The following SUMF1 variants were observed in gnomAD, a reference collection of about 807,000 sequenced individuals.
SUMF1 encodes sulfatase modifying factor 1.
Under a neutral mutation model 47.6 loss-of-function variants are expected in SUMF1, and 48 were observed. The observed-to-expected ratio is 1.01, with a 90% CI of 0.80 to 1.28. SUMF1 has a LOEUF of 1.28. SUMF1 is among the 50% of genes most tolerant of loss of function. The pLI, the probability that SUMF1 is intolerant of heterozygous loss-of-function variation, is 0.00. For missense variants in SUMF1, 571 were observed against 485.4 expected (o/e 1.18, Z -1.66); for synonymous variants, 230 against 192.1 (o/e 1.20, Z -1.63).
chr3:4,145,191 T>TAAAA (rs35699553), intron 8 of SUMF1, among the ~76,000 whole-genome samples: 31 of 90,472 alleles, frequency 3.4e-4, no homozygotes, highest in African/African-American at 1.0e-3. Context: ...AAACTCCGTC[T>TAAAA]AAAAAAAAAA....
intron 8 of SUMF1, among the ~76,000 whole-genome samples, chr3:4,138,838 T>C (rs1694006884): frequency 6.6e-6 from 1 of 152,066 alleles, no homozygotes; most frequent in Non-Finnish European, 1.5e-5. Flanking sequence ...AATTACTAAA[T>C]CTGAGGATGG....
Position 4,223,605 on chromosome 3 carries a change from C to T in SUMF1, c.1014+152725G>A, listed in dbSNP as rs527555788. 5.3e-5 allele frequency among the ~76,000 whole-genome samples: 8 copies of T among 152,210 alleles called. No individual in the cohort carries two copies. The South Asian group carries it at 1.7e-3, about 32-fold the overall frequency. Reference sequence around the variant, plus strand: ...TGCTTTACTCAGGTTGCTCTTGTTCCCTAGAATGGCCTCCTCTCTTCTTCC... The same window carrying T: ...TGCTTTACTCAGGTTGCTCTTGTTCTCTAGAATGGCCTCCTCTCTTCTTCC... On this transcript the variant is annotated intron_variant and NMD_transcript_variant, in intron 8 of 12. Transcript: ENST00000448413.
intron 8 of SUMF1, among the ~76,000 whole-genome samples, chr3:4,079,704 G>T: frequency 7.0e-6 from 1 of 143,680 alleles, no homozygotes; most frequent in East Asian, 2.0e-4. Flanking sequence ...TATGCCCTAA[G>T]TACTCAACAT....
intron 8 of SUMF1, among the ~76,000 whole-genome samples, chr3:4,188,378 A>G (rs1281342754): frequency 6.6e-6 from 1 of 152,086 alleles, no homozygotes; most frequent in East Asian, 1.9e-4. Context: ...GTCTAATATA[A>G]TGGCATGTAT....
At chr3:4,383,508 G>T (rs553113853) in intron 7 of SUMF1, among the ~76,000 whole-genome samples, 1 of 152,290 alleles carries the variant, frequency 6.6e-6, no homozygotes, top group East Asian at 1.9e-4. Flanking sequence ...GTGGTGGCAC[G>T]GGGCAATTCT....
chr3:4,357,597 ATTTAT>A (rs2125166451), downstream of SUMF1, among the ~76,000 whole-genome samples: 1 of 149,506 alleles, frequency 6.7e-6, no homozygotes, highest in South Asian at 2.1e-4. Context: ...TTATTTATTT[ATTTAT>A]TTATTTATTT....
chr3:4,282,319 C>T (rs1015824060), intron 8 of SUMF1, among the ~76,000 whole-genome samples: 1 of 152,072 alleles, frequency 6.6e-6, no homozygotes, highest in Admixed American at 6.5e-5. Context: ...TACCTGGTTG[C>T]TAATAAAATA....
At chr3:4,365,784 G>A (rs1276079714) in intron 8 of SUMF1, among the ~76,000 whole-genome samples, 1 of 150,576 alleles carries the variant, frequency 6.6e-6, no homozygotes, top group African/African-American at 2.4e-5. Flanking sequence ...GATTTTGCTC[G>A]TTAGTTGATG....
intron 8 of SUMF1, among the ~76,000 whole-genome samples, chr3:4,328,380 A>G (rs930631221): frequency 6.6e-6 from 1 of 152,216 alleles, no homozygotes; most frequent in African/African-American, 2.4e-5. Context: ...TAATAAAGAC[A>G]TGCCTGAGAC....
intron 8 of SUMF1, among the ~76,000 whole-genome samples, chr3:4,266,634 TG>T (rs1697200660): frequency 6.6e-6 from 1 of 151,794 alleles, no homozygotes; most frequent in African/African-American, 2.4e-5. Flanking sequence ...GCTGAGACAA[TG>T]GGGTTTTCTA....
At position 4,213,511 on chromosome 3, in the gene SUMF1, G is replaced by T. The variant is rs370255377; in HGVS notation, c.1015-144766C>A. 1.3e-4 allele frequency among the ~76,000 whole-genome samples: 20 copies of T among 152,164 alleles called. No individual in the cohort carries two copies. In the South Asian group the frequency reaches 4.2e-3, roughly 32 times the overall value. On this transcript the variant is annotated intron_variant and NMD_transcript_variant, in intron 8 of 12. Transcript: ENST00000448413. Reference sequence around the variant, plus strand: ...ATGAAGAAACTGCATCAACTAACAGGCAAAACAACCAGCTAGCATCATAAT... The same window carrying T: ...ATGAAGAAACTGCATCAACTAACAGTCAAAACAACCAGCTAGCATCATAAT...
intron 8 of SUMF1, among the ~76,000 whole-genome samples, chr3:4,211,928 A>C (rs1179842261): frequency 1.3e-5 from 2 of 152,220 alleles, no homozygotes; most frequent in African/African-American, 4.8e-5. Flanking sequence ...CAGCAACCCC[A>C]GTCAGGGACT....
intron 8 of SUMF1, among the ~76,000 whole-genome samples, chr3:4,145,923 CCT>C (rs1694183213): frequency 6.6e-6 from 1 of 152,100 alleles, no homozygotes; most frequent in Non-Finnish European, 1.5e-5. Context: ...ATTCCAATTC[CCT>C]GAGTTCAATT....
intron 8 of SUMF1, among the ~76,000 whole-genome samples, chr3:4,135,237 A>T (rs1693897035): frequency 6.6e-6 from 1 of 152,178 alleles, no homozygotes; most frequent in Non-Finnish European, 1.5e-5. Flanking sequence ...AAATACTGGC[A>T]AAGTGAATCC....
Position 4,408,697 on chromosome 3 carries a change from G to A in SUMF1, c.954+2168C>T, listed in dbSNP as rs148671987. On this transcript the variant is annotated intron_variant, in intron 7 of 8. Transcript: ENST00000272902. ...AAAAATAAAAGTAACAAGACCTGGCGTGGTGGCTCACACCTGTAATCCCAG... is the reference window on the plus strand; with the variant it reads ...AAAAATAAAAGTAACAAGACCTGGCATGGTGGCTCACACCTGTAATCCCAG... 5.6e-4 allele frequency among the ~76,000 whole-genome samples: 86 copies of A among 152,284 alleles called. 1 individual carries two copies. Among genetic ancestry groups the A allele is most frequent in the African/African-American group, 1.4e-3 (59 of 41,560 alleles).
intron 7 of SUMF1, among the ~76,000 whole-genome samples, chr3:4,394,685 T>A (rs1700985094): frequency 6.6e-6 from 1 of 152,016 alleles, no homozygotes; most frequent in Admixed American, 6.6e-5. Flanking sequence ...GACAGAAGAG[T>A]AGCAATAGCC....
At chr3:4,375,820 TAAAATC>T (rs1700309317) in intron 8 of SUMF1, among the ~76,000 whole-genome samples, 1 of 152,164 alleles carries the variant, frequency 6.6e-6, no homozygotes, top group Non-Finnish European at 1.5e-5. Flanking sequence ...GCTCAGACAC[TAAAATC>T]ATAGCCCAAA....
chr3:4,396,841 A>T lies in SUMF1; in HGVS notation c.954+14024T>A, dbSNP rs9853423. Among the ~76,000 whole-genome samples, 1,476 of 152,354 alleles carry T rather than the reference A, an allele frequency of 9.7e-3. 17 individuals are homozygous for T. Among genetic ancestry groups the T allele is most frequent in the African/African-American group, 0.032 (1,316 of 41,572 alleles). On this transcript the variant is annotated intron_variant, in intron 7 of 8. Transcript: ENST00000272902. The stretch of plus-strand genomic sequence containing the variant: ...GAGAATGATTAATTCTCTGACCTAT[A>T]TAACAGTAGATACATATGCTCTGTT...
chr3:4,401,578 T>C (rs1189899426), intron 7 of SUMF1, among the ~76,000 whole-genome samples: 5 of 152,112 alleles, frequency 3.3e-5, no homozygotes, highest in Non-Finnish European at 7.4e-5. Context: ...CAGCACAACT[T>C]ACAGATGAAG....
Sources: gnomAD v4.1 joint callset for allele counts (sites outside exome capture counted in the v4.1 genomes callset) on GRCh38, gnomAD v4.1.1 for gene constraint, MANE v1.5 for transcripts, NCBI Gene and HGNC (gene_info 2026-07-23, HGNC 2026-07-21) for gene names.